The following AUTS2 variants were observed in gnomAD, a reference collection of about 807,000 sequenced individuals.
The protein encoded by AUTS2 is autism susceptibility gene 2 protein.
In AUTS2, 17 loss-of-function variants were observed where a neutral mutation model predicts 112.4. The ratio of observed to expected loss-of-function variants is 0.15; its 90% CI spans 0.10 to 0.23. The LOEUF (loss-of-function observed/expected upper bound fraction) is 0.23, where lower values mean the gene tolerates loss of function less well. AUTS2 is among the 10% of genes least tolerant of loss of function. The probability of loss-of-function intolerance (pLI) is 1.00; values close to 1 mark genes in which losing one functional copy is unlikely to be tolerated. For missense variants in AUTS2, 1,510 were observed against 1,701.6 expected (o/e 0.89, Z 1.98); for synonymous variants, 751 against 702.7 (o/e 1.07, Z -1.09).
chr7:69,974,281 C>A (rs953157807), intron 2 of AUTS2, among the ~76,000 whole-genome samples: 1 of 149,484 alleles, frequency 6.7e-6, no homozygotes, highest in Non-Finnish European at 1.5e-5. Context: ...TGTTTCATCC[C>A]TGATATTGAT....
chr7:70,120,373 T>C (rs1449228456), intron 3 of AUTS2: 2 of 152,212 alleles, frequency 1.3e-5, no homozygotes, highest in Admixed American at 1.3e-4. Flanking sequence ...TAACAGTATT[T>C]TACTGTGTGT....
intron 2 of AUTS2, among the ~76,000 whole-genome samples, chr7:69,900,563 T>C (rs1300809474): frequency 6.6e-6 from 1 of 152,202 alleles, no homozygotes; most frequent in African/African-American, 2.4e-5. Flanking sequence ...AAGTTTCCTA[T>C]TTGAAAACAG....
chr7:70,102,101 C>G (rs1804528937), intron 2 of AUTS2, among the ~76,000 whole-genome samples: 1 of 148,684 alleles, frequency 6.7e-6, no homozygotes, highest in African/African-American at 2.5e-5. Flanking sequence ...ATACCCCTTA[C>G]TTTGCAGTGT....
rs12674156 is a variant in AUTS2 at position 70,669,205 on chromosome 7, G to A, written c.691-29364G>A. ...GGTGAGGACAACAGCCTGGATTCCC[G>A]AGTCAGGCTCACATCTAAGCCTGGC... On this transcript the variant is annotated intron_variant, in intron 5 of 18. Coordinates refer to ENST00000342771, the MANE Select transcript of AUTS2 (RefSeq NM_015570.4). Among the ~76,000 whole-genome samples the A allele has an allele frequency of 3.0e-4, 45 of 152,292 alleles. 1 individual carries two copies. The highest frequency in any genetic ancestry group is 2.5e-3 in the East Asian group (13 of 5,178).
At chr7:69,990,068 G>A (rs1798681690) in intron 2 of AUTS2, among the ~76,000 whole-genome samples, 1 of 152,190 alleles carries the variant, frequency 6.6e-6, no homozygotes, top group Non-Finnish European at 1.5e-5. Context: ...TGACATACAA[G>A]AAGAGTAATT....
chr7:70,706,125 G>C (rs1308546001), intron 6 of AUTS2, among the ~76,000 whole-genome samples: 1 of 152,198 alleles, frequency 6.6e-6, no homozygotes, highest in Non-Finnish European at 1.5e-5. Context: ...AGTCTGCTTT[G>C]TCAAATTTTG....
intron 1 of AUTS2, among the ~76,000 whole-genome samples, chr7:69,763,145 G>T (rs544297410): frequency 6.6e-6 from 1 of 152,214 alleles, no homozygotes; most frequent in East Asian, 1.9e-4. Flanking sequence ...TTAATAAGGC[G>T]GTTTAAAAAT....
intron 1 of AUTS2, among the ~76,000 whole-genome samples, chr7:69,811,855 G>A (rs775272393): frequency 2.0e-5 from 3 of 152,142 alleles, no homozygotes; most frequent in Non-Finnish European, 2.9e-5. Context: ...AGCCCCTGGA[G>A]GGCAAAGACT....
At chr7:70,392,489 T>C (rs973560202) in intron 4 of AUTS2, among the ~76,000 whole-genome samples, 2 of 152,204 alleles carry the variant, frequency 1.3e-5, no homozygotes, top group Non-Finnish European at 2.9e-5. Context: ...GTTTTGAAAA[T>C]ACTGAGTAAT....
intron 2 of AUTS2, among the ~76,000 whole-genome samples, chr7:70,037,056 C>T (rs947428747): frequency 9.2e-5 from 14 of 152,022 alleles, no homozygotes; most frequent in Non-Finnish European, 1.8e-4. Context: ...GAATATTATG[C>T]AGCTTTTCAC....
rs1313676368 is a variant in AUTS2 at position 70,789,627 on chromosome 7, G to A, written c.2532-121G>A. ...TCCAGGGCACGGCTGCTGCCTTGGC[G>A]ACCATGGGAAGCAGCCCCCAGCCTG... On this transcript the variant is annotated intron_variant, in intron 18 of 18. Transcript: ENST00000342771. 6.6e-6 allele frequency: 8 copies of A among 1,214,260 alleles called. No homozygotes were observed. In the Admixed American group the frequency reaches 7.1e-5, roughly 11 times the overall value. 75.2% of individuals were successfully genotyped at this position (1,214,260 alleles called of 1,614,324 possible).
intron 4 of AUTS2, among the ~76,000 whole-genome samples, chr7:70,173,933 C>A (rs183925330): frequency 6.6e-6 from 1 of 152,188 alleles, no homozygotes; most frequent in African/African-American, 2.4e-5. Flanking sequence ...GAAATTAGGT[C>A]AGTTAATAAC....
intron 2 of AUTS2, among the ~76,000 whole-genome samples, chr7:70,014,007 C>T (rs1055432842): frequency 4.6e-5 from 7 of 152,214 alleles, no homozygotes; most frequent in Admixed American, 6.5e-5. Flanking sequence ...TGAGCCACCG[C>T]GCCCGGCCTC....
At chr7:69,699,171 G>A (rs1202113746) in intron 1 of AUTS2, among the ~76,000 whole-genome samples, 1 of 152,054 alleles carries the variant, frequency 6.6e-6, no homozygotes, top group Non-Finnish European at 1.5e-5. Flanking sequence ...GGGATTGATG[G>A]GCATTTTTGC....
chr7:69,828,211 G>A (rs1447063174), intron 1 of AUTS2, among the ~76,000 whole-genome samples: 1 of 152,164 alleles, frequency 6.6e-6, no homozygotes, highest in Admixed American at 6.5e-5. Flanking sequence ...TCTACTCCTT[G>A]TCAGTGATGG....
intron 1 of AUTS2, among the ~76,000 whole-genome samples, chr7:69,896,999 T>C (rs1261817548): frequency 6.6e-6 from 1 of 152,234 alleles, no homozygotes; most frequent in Admixed American, 6.5e-5. Context: ...ATTTGATTAG[T>C]ATTTGTCCTG....
At chr7:70,653,584 A>G (rs1345807329) in intron 5 of AUTS2, among the ~76,000 whole-genome samples, 3 of 152,186 alleles carry the variant, frequency 2.0e-5, no homozygotes, top group African/African-American at 7.2e-5. Flanking sequence ...GTCCTTTTGA[A>G]GGGCATGTTT....
At chr7:69,732,897 G>A (rs1786860873) in intron 1 of AUTS2, among the ~76,000 whole-genome samples, 2 of 152,168 alleles carry the variant, frequency 1.3e-5, no homozygotes, top group African/African-American at 2.4e-5. Flanking sequence ...AGAGGGTATT[G>A]TTTCTCATAG....
chr7:69,963,569 G>C (rs1797517301), intron 2 of AUTS2, among the ~76,000 whole-genome samples: 1 of 152,130 alleles, frequency 6.6e-6, no homozygotes, highest in African/African-American at 2.4e-5. Flanking sequence ...ACTAAGCAGA[G>C]GTTAGGAGGT....
Sources: allele counts gnomAD v4.1 joint callset (sites outside exome capture counted in the v4.1 genomes callset), GRCh38; gene constraint gnomAD v4.1.1; transcripts MANE v1.5; gene names NCBI Gene and HGNC (gene_info 2026-07-23, HGNC 2026-07-21).